Variants in LRRC1 observed in about 807,000 individuals in gnomAD.
LRRC1 encodes leucine-rich repeat-containing protein 1.
Under a neutral mutation model 69.9 loss-of-function variants are expected in LRRC1, and 28 were observed. That is an observed-to-expected ratio of 0.40 (90% CI 0.30 to 0.55). The LOEUF is 0.55. Among genes scored for constraint, LRRC1 ranks in the 20% least tolerant of loss-of-function variants. The pLI, the probability that LRRC1 is intolerant of heterozygous loss-of-function variation, is 0.47. For missense variants in LRRC1, 498 were observed against 609.0 expected (o/e 0.82, Z 1.92); for synonymous variants, 236 against 240.2 (o/e 0.98, Z 0.16).
chr6:53,894,520 C>T (rs973770744), intron 4 of LRRC1, among the ~76,000 whole-genome samples: 7 of 152,006 alleles, frequency 4.6e-5, no homozygotes, highest in African/African-American at 1.7e-4. Flanking sequence ...AGTGGGTGTC[C>T]TTGGTTTGTT....
intron 4 of LRRC1, chr6:53,883,813 G>C (rs1581897783): frequency 1.5e-6 from 1 of 671,566 alleles, no homozygotes; most frequent in Non-Finnish European, 2.7e-6. Context: ...TTCTAAGACA[G>C]AACAGAAACT....
In LRRC1 at chr6:53,830,509, TGTG is replaced by T. The variant is rs1765396492; in HGVS notation, c.160-11597_160-11595del. ...TTAAGTTCTGTTTGTGGAGCCAAAA[TGTG>T]GTGATCAGCATGAGATCTGTTTCGT... On this transcript the variant is annotated intron_variant, in intron 1 of 13. Coordinates refer to ENST00000370888, the MANE Select transcript of LRRC1 (RefSeq NM_018214.5). Among the ~76,000 whole-genome samples, 3 of 152,352 alleles carry T rather than the reference TGTG, an allele frequency of 2.0e-5. No individual in the cohort carries two copies. The South Asian group carries it at 6.2e-4, about 32-fold the overall frequency.
At chr6:53,802,693 G>T (rs1337628123) in intron 1 of LRRC1, among the ~76,000 whole-genome samples, 1 of 152,136 alleles carries the variant, frequency 6.6e-6, no homozygotes, top group Non-Finnish European at 1.5e-5. Flanking sequence ...TGGTAACCCT[G>T]TGGGTTCTAG....
intron 1 of LRRC1, among the ~76,000 whole-genome samples, chr6:53,831,104 T>C (rs1765415949): frequency 6.6e-6 from 1 of 151,916 alleles, no homozygotes; most frequent in African/African-American, 2.4e-5. Context: ...AGCTTATGTA[T>C]ATTTAGAATA....
At chr6:53,914,757 C>T (rs547857575) in intron 11 of LRRC1, among the ~76,000 whole-genome samples, 45 of 152,282 alleles carry the variant, frequency 3.0e-4, no homozygotes, top group Admixed American at 2.0e-3. Context: ...CTCTCTTCTT[C>T]ATCACTCAAG....
Position 53,899,889 on chromosome 6 carries a change from T to G in LRRC1, c.785T>G (p.Ile262Ser). Reference sequence around the variant, plus strand: ...TTATTAGAAACGATTCCGGATGGCATTGGTAAGCATTGGAAATCACTAACT... The same window carrying G: ...TTATTAGAAACGATTCCGGATGGCAGTGGTAAGCATTGGAAATCACTAACT... Reference protein sequence around the residue: ...QNLLETIPDGIGKLKKLSILK... With the variant: ...QNLLETIPDGSGKLKKLSILK... Residue 262 changes from isoleucine (I) to serine (S), a missense_variant and splice_region_variant, in exon 8 of 14, where the codon ATT becomes AGT. Around this residue, in one of 3 missense-constraint regions of LRRC1, gnomAD observed 266 missense variants for 383.9 expected, o/e 0.69. Transcript: ENST00000370888. 1 of 1,613,720 alleles carries G rather than the reference T, an allele frequency of 6.2e-7. No individual in the cohort carries two copies. The highest frequency in any genetic ancestry group is 8.5e-7 in the Non-Finnish European group (1 of 1,179,812).
In LRRC1 at chr6:53,923,116, C is replaced by T. The variant is rs1424875338; in HGVS notation, c.*323C>T. 1.5e-5 allele frequency: 3 copies of T among 201,614 alleles called. No homozygotes were observed. Among genetic ancestry groups the T allele is most frequent in the African/African-American group, 6.9e-5 (3 of 43,432 alleles). The allele number at this position is 201,614 out of a possible 1,614,324, so 12.5% of individuals were successfully genotyped here. A position where few individuals can be genotyped will look rare whatever the true frequency, so the allele number is the denominator to read the frequency against. On this transcript the variant is annotated 3_prime_UTR_variant, in exon 14 of 14. Coordinates refer to ENST00000370888, the MANE Select transcript of LRRC1 (RefSeq NM_018214.5). Reference sequence around the variant, plus strand: ...AGCAGGAAGGGGAATTTTTATCCTCCTCCCTTCCGTAAAGTGCTGGGATAT... The same window carrying T: ...AGCAGGAAGGGGAATTTTTATCCTCTTCCCTTCCGTAAAGTGCTGGGATAT...
chr6:53,822,339 A>G (rs143292217), intron 1 of LRRC1, among the ~76,000 whole-genome samples: 40 of 152,346 alleles, frequency 2.6e-4, no homozygotes, highest in Non-Finnish European at 4.6e-4. Context: ...AGCCAGAGAA[A>G]GTACATTTTA....
chr6:53,884,975 T>C (rs1316729128), intron 4 of LRRC1, among the ~76,000 whole-genome samples: 1 of 152,214 alleles, frequency 6.6e-6, no homozygotes, highest in Non-Finnish European at 1.5e-5. Context: ...CTGAATAAAA[T>C]GCCACTTTGA....
intron 4 of LRRC1, chr6:53,884,098 C>T (rs1383498737): frequency 5.8e-6 from 4 of 693,166 alleles, no homozygotes; most frequent in South Asian, 1.6e-5. Flanking sequence ...AGGAAGCCCT[C>T]AATACACTCT....
intron 1 of LRRC1, among the ~76,000 whole-genome samples, chr6:53,824,158 A>G (rs1319535398): frequency 6.7e-6 from 1 of 150,024 alleles, no homozygotes; most frequent in Non-Finnish European, 1.5e-5. Context: ...AGCAGATGTT[A>G]TTTTTTGACT....
intron 1 of LRRC1, among the ~76,000 whole-genome samples, chr6:53,826,132 G>C (rs1237878725): frequency 6.7e-6 from 1 of 150,040 alleles, no homozygotes; most frequent in Admixed American, 6.6e-5. Flanking sequence ...ACCTACTCCT[G>C]CCAGCCCCCT....
intron 2 of LRRC1, among the ~76,000 whole-genome samples, chr6:53,860,250 A>G (rs1766451391): frequency 6.6e-6 from 1 of 152,234 alleles, no homozygotes; most frequent in Non-Finnish European, 1.5e-5. Context: ...ATAATTCTAA[A>G]AAAGGACTAA....
At chr6:53,843,083 C>T (rs144549760) in intron 2 of LRRC1, among the ~76,000 whole-genome samples, 40 of 152,292 alleles carry the variant, frequency 2.6e-4, no homozygotes, top group African/African-American at 9.6e-4. Context: ...TCCCAGTGGT[C>T]CTATCTAGTG....
In LRRC1 at chr6:53,795,366, G is replaced by C; in HGVS notation, c.110G>C (p.Ser37Thr). 6.2e-7 allele frequency: 1 copy of C among 1,613,764 alleles called. No homozygotes were observed. Among genetic ancestry groups the C allele is most frequent in the Non-Finnish European group, 8.5e-7 (1 of 1,179,998 alleles). Residue 37 changes from serine to threonine, a missense_variant, in exon 1 of 14, where the codon AGC becomes ACC. Ser to Thr is a moderately conservative substitution (Grantham distance 58). This residue lies in a region of LRRC1 where 70 missense variants were observed against 62.1 expected (regional missense o/e 1.13). Coordinates refer to ENST00000370888, the MANE Select transcript of LRRC1 (RefSeq NM_018214.5). ...GAGGAGATCTACCGCTATGCCCGGA[G>C]CCTGGAGGAGCTGCTGCTGGACGCC... Reference protein sequence around the residue: ...VPEEIYRYARSLEELLLDANQ... With the variant: ...VPEEIYRYARTLEELLLDANQ...
chr6:53,855,480 A>T (rs953895071), intron 2 of LRRC1, among the ~76,000 whole-genome samples: 2 of 152,188 alleles, frequency 1.3e-5, no homozygotes, highest in Non-Finnish European at 2.9e-5. Flanking sequence ...AACACCAGAG[A>T]GGCTGAGGAG....
At chr6:53,854,576 A>C (rs962562812) in intron 2 of LRRC1, among the ~76,000 whole-genome samples, 3 of 152,068 alleles carry the variant, frequency 2.0e-5, no homozygotes, top group Admixed American at 2.0e-4. Context: ...TCCTTTTTAC[A>C]GGTGACAAAA....
intron 2 of LRRC1, among the ~76,000 whole-genome samples, chr6:53,871,530 T>C (rs62397090): frequency 0.2 from 29,731 of 152,228 alleles, 3,695 homozygotes; most frequent in East Asian, 0.27. Context: ...ATTCTGGATA[T>C]TAACAATCCC....
intron 1 of LRRC1, among the ~76,000 whole-genome samples, chr6:53,803,297 G>C (rs778343667): frequency 6.6e-6 from 1 of 152,070 alleles, no homozygotes; most frequent in African/African-American, 2.4e-5. Context: ...GTTCTTTTTG[G>C]GTGAGGATCC....
Sources: gnomAD v4.1 joint callset for allele counts (sites outside exome capture counted in the v4.1 genomes callset) on GRCh38, gnomAD v4.1.1 for gene constraint, gnomAD v4.1.1 regional missense constraint, MANE v1.5 for transcripts, NCBI Gene and HGNC (gene_info 2026-07-23, HGNC 2026-07-21) for gene names.